CSPP1: variants seen among roughly 807,000 people sequenced by gnomAD.
CSPP1 encodes centrosome and spindle pole-associated protein 1.
In CSPP1, 126 loss-of-function variants were observed where a neutral mutation model predicts 164.4. The ratio of observed to expected loss-of-function variants is 0.77; its 90% confidence interval spans 0.66 to 0.89. The LOEUF (loss-of-function observed/expected upper bound fraction) is 0.89. CSPP1 is among the 40% of genes least tolerant of loss of function. The pLI, the probability that CSPP1 is intolerant of heterozygous loss-of-function variation, is 0.00. For synonymous variants in CSPP1, 472 were observed against 476.7 expected (o/e 0.99, Z 0.13); for missense variants, 1,395 against 1,449.8 (o/e 0.96, Z 0.61).
intron 18 of CSPP1, among the ~76,000 whole-genome samples, chr8:67,153,790 A>C (rs1422794517): frequency 6.6e-6 from 1 of 151,810 alleles, no homozygotes; most frequent in Non-Finnish European, 1.5e-5. Flanking sequence ...TGTATCTTTC[A>C]GATATTATTT....
intron 7 of CSPP1, among the ~76,000 whole-genome samples, chr8:67,097,640 A>G (rs767039477): frequency 6.6e-6 from 1 of 151,920 alleles, no homozygotes; most frequent in Non-Finnish European, 1.5e-5. Context: ...GGTGAATGTA[A>G]TGCATACCCT....
intron 2 of CSPP1, among the ~76,000 whole-genome samples, 186 bp downstream of exon 2, chr8:67,074,537 T>C (rs564226890): frequency 1.3e-5 from 2 of 152,276 alleles, no homozygotes; most frequent in South Asian, 4.1e-4. Flanking sequence ...TTTGTGGTGG[T>C]TTATATCTCA....
chr8:67,137,424 C>T (rs755021349), intron 16 of CSPP1, 32 bp from the exon 17 acceptor site: 33 of 1,346,432 alleles, frequency 2.5e-5, no homozygotes, highest in East Asian at 5.2e-5. Flanking sequence ...TACTTGTCAG[C>T]GTTTATTTTA....
At chr8:67,163,143 G>A (rs1828695225) in intron 22 of CSPP1, among the ~76,000 whole-genome samples, 1 of 152,176 alleles carries the variant, frequency 6.6e-6, no homozygotes, top group Non-Finnish European at 1.5e-5. Flanking sequence ...TGTCACTTGG[G>A]GGTCACTTGA....
At chr8:67,075,311 A>G (rs1807682779) in intron 2 of CSPP1, among the ~76,000 whole-genome samples, 1 of 152,236 alleles carries the variant, frequency 6.6e-6, no homozygotes, top group South Asian at 2.1e-4. Flanking sequence ...TCATAATGAC[A>G]GTAACCATAT....
At chr8:67,074,707 T>C (rs1034801131) in intron 2 of CSPP1, 1 of 241,098 alleles carries the variant, frequency 4.1e-6, no homozygotes, top group Non-Finnish European at 8.3e-6. Flanking sequence ...AAAAAGTTTT[T>C]TTGAAATCTG....
rs1172338862 is a variant in CSPP1 at position 67,132,113 on chromosome 8, C to T, written c.1827+33C>T. 6 of 1,590,766 alleles carry T rather than the reference C, an allele frequency of 3.8e-6. No individual in the cohort carries two copies. The African/African-American group carries it at 4.0e-5, about 11-fold the overall frequency. ...TTCATTTACTCATTTACTGTTGAAC[C>T]TCTTAAGTGTAAGCATGGTGGTCCC... On this transcript the variant is annotated intron_variant, in intron 16 of 30. Coordinates refer to ENST00000678616, the MANE Select transcript of CSPP1 (RefSeq NM_001382391.1).
intron 15 of CSPP1, among the ~76,000 whole-genome samples, chr8:67,119,668 T>G (rs1244261675): frequency 6.6e-6 from 1 of 152,216 alleles, no homozygotes; most frequent in African/African-American, 2.4e-5. Flanking sequence ...TTTCCTATGC[T>G]TCTTGGCCAT....
At chr8:67,150,065 C>A in intron 18 of CSPP1, 130 bp downstream of exon 18, 2 of 898,568 alleles carry the variant, frequency 2.2e-6, no homozygotes, top group Non-Finnish European at 1.5e-6. Flanking sequence ...GGAAACATAA[C>A]ACACTATTCA....
chr8:67,129,989 C>T (rs967014680), intron 15 of CSPP1, among the ~76,000 whole-genome samples: 6 of 152,180 alleles, frequency 3.9e-5, no homozygotes, highest in African/African-American at 1.4e-4. Context: ...CTCGATAACA[C>T]AGGTTTAAAC....
intron 15 of CSPP1, among the ~76,000 whole-genome samples, chr8:67,120,403 T>G (rs542263073): frequency 2.4e-4 from 37 of 152,330 alleles, no homozygotes; most frequent in African/African-American, 8.9e-4. Flanking sequence ...TGCAAAAAAG[T>G]CATTGTGATT....
At position 67,154,107 on chromosome 8, in the gene CSPP1, G is replaced by A; in HGVS notation, c.2212G>A (p.Glu738Lys). The A allele has an allele frequency of 6.3e-7, 1 of 1,578,356 alleles. No individual in the cohort carries two copies. The highest frequency in any genetic ancestry group is 1.1e-5 in the South Asian group (1 of 89,944). The change falls in exon 19 of 31, where the codon GAA becomes AAA. Residue 738 changes from glutamate (E) to lysine (K), a missense_variant. Physicochemically the swap from Glu to Lys is moderately conservative, Grantham distance 56 (BLOSUM62 1). Coordinates refer to ENST00000678616, the MANE Select transcript of CSPP1 (RefSeq NM_001382391.1). ...AACTGAACTTCAGATTAAACAGCAAGAATTATACAAGAATTTTCTTCGTTT... is the reference window on the plus strand; with the variant it reads ...AACTGAACTTCAGATTAAACAGCAAAAATTATACAAGAATTTTCTTCGTTT... ...PPTELQIKQQ[E>K]LYKNFLRFQI... is the part of the protein sequence containing the mutation.
intron 28 of CSPP1, among the ~76,000 whole-genome samples, chr8:67,185,350 T>TG (rs1293158681): frequency 6.6e-6 from 1 of 152,186 alleles, no homozygotes; most frequent in Non-Finnish European, 1.5e-5. Flanking sequence ...AGATGGATAA[T>TG]GATGAAAATG....
chr8:67,195,703 A>G lies in CSPP1; in HGVS notation c.*110A>G. 1.3e-6 allele frequency: 1 copy of G among 755,288 alleles called. No homozygotes were observed. The highest frequency in any genetic ancestry group is 2.2e-6 in the Non-Finnish European group (1 of 456,202). 46.8% of individuals were successfully genotyped at this position (755,288 alleles called of 1,614,324 possible). On this transcript the variant is annotated 3_prime_UTR_variant, in exon 31 of 31. Coordinates refer to ENST00000678616, the MANE Select transcript of CSPP1 (RefSeq NM_001382391.1). ...CCTACCTGAAAGTTACTTTTTTTCC[A>G]TCATCTGTATATAAAATTATTTTTA...
intron 2 of CSPP1, among the ~76,000 whole-genome samples, 197 bp downstream of exon 2, chr8:67,074,548 C>T (rs1468232013): frequency 6.6e-6 from 1 of 152,116 alleles, no homozygotes; most frequent in African/African-American, 2.4e-5. Flanking sequence ...TTATATCTCA[C>T]AGTGTTTCTC....
At chr8:67,158,408 A>G (rs552110006) in intron 19 of CSPP1, 39 bp from the exon 20 acceptor site, 9 of 1,512,102 alleles carry the variant, frequency 6.0e-6, no homozygotes, top group Middle Eastern at 1.7e-4. Flanking sequence ...TAACTTTTCA[A>G]TAGTTTTACA....
chr8:67,155,212 A>G (rs1826447711), intron 19 of CSPP1, among the ~76,000 whole-genome samples: 2 of 151,604 alleles, frequency 1.3e-5, no homozygotes, highest in South Asian at 2.1e-4. Flanking sequence ...TTCTTTCCCT[A>G]CCTCCCTCCC....
chr8:67,181,338 A>ATTT (rs58029238), intron 28 of CSPP1, among the ~76,000 whole-genome samples: 6 of 112,642 alleles, frequency 5.3e-5, no homozygotes, highest in Non-Finnish European at 7.5e-5. Context: ...GTACCTGGCC[A>ATTT]TTTTTTTTTT....
intron 7 of CSPP1, among the ~76,000 whole-genome samples, chr8:67,101,339 C>T (rs886560262): frequency 2.0e-5 from 3 of 152,160 alleles, no homozygotes; most frequent in Non-Finnish European, 4.4e-5. Flanking sequence ...TGTAACTCTC[C>T]CAAAATCTAT....
Sources: gnomAD v4.1 joint callset for allele counts (sites outside exome capture counted in the v4.1 genomes callset) on GRCh38, gnomAD v4.1.1 for gene constraint, MANE v1.5 for transcripts, NCBI Gene and HGNC (gene_info 2026-07-23, HGNC 2026-07-21) for gene names.